ZNF624: variants seen among roughly 807,000 people sequenced by gnomAD.
ZNF624 encodes the protein zinc finger protein 624.
A neutral mutation model predicts 74.7 loss-of-function variants in ZNF624; 43 were observed. The ratio of observed to expected loss-of-function variants is 0.58; its 90% confidence interval spans 0.45 to 0.74. ZNF624 has a LOEUF of 0.74. Among genes scored for constraint, ZNF624 ranks in the 30% least tolerant of loss-of-function variants. ZNF624 has a pLI of 0.00. For missense variants in ZNF624, 820 were observed against 1,030.0 expected (o/e 0.80, Z 2.79); for synonymous variants, 331 against 341.3 (o/e 0.97, Z 0.33).
At position 16,621,814 on chromosome 17, in the gene ZNF624, GTAAAA is replaced by G. The variant is rs1908920357; in HGVS notation, c.*469_*473del. ...AGGAGATCTCTTTTAAGTAAAATGA[GTAAAA>G]TAAAAAATCTAAAAAGGAAATGATA... On this transcript the variant is annotated 3_prime_UTR_variant, in exon 6 of 6. Transcript: ENST00000311331. 1 of 152,340 alleles carries G rather than the reference GTAAAA, an allele frequency of 6.6e-6. No homozygotes were observed. The highest frequency in any genetic ancestry group is 2.4e-5 in the African/African-American group (1 of 41,332). The allele number at this position is 152,340 out of a possible 1,614,324, so 9.4% of individuals were successfully genotyped here. A position where few individuals can be genotyped will look rare whatever the true frequency, so the allele number is the denominator to read the frequency against.
intron 5 of ZNF624, among the ~76,000 whole-genome samples, chr17:16,632,641 C>G (rs1909232681): frequency 6.6e-6 from 1 of 152,198 alleles, no homozygotes; most frequent in Non-Finnish European, 1.5e-5. Flanking sequence ...GAACCAGAAT[C>G]TATTTCTTTC....
At chr17:16,634,073 C>G (rs1450737206) in intron 4 of ZNF624, 116 bp from the exon 5 acceptor site, 4 of 691,252 alleles carry the variant, frequency 5.8e-6, no homozygotes, top group Non-Finnish European at 9.6e-6. Flanking sequence ...AGTTCTAGAG[C>G]TGCACTGTCT....
Position 16,622,151 on chromosome 17 carries a change from A to G in ZNF624, c.*137T>C, listed in dbSNP as rs1428757037. Reference sequence around the variant, plus strand: ...TTCTAAGATTTAATATTATTAAATGATTTCCCACATAATTGCTTATAGTTT... The same window carrying G: ...TTCTAAGATTTAATATTATTAAATGGTTTCCCACATAATTGCTTATAGTTT... On this transcript the variant is annotated 3_prime_UTR_variant, in exon 6 of 6. Coordinates refer to ENST00000311331, the MANE Select transcript of ZNF624 (RefSeq NM_020787.4). The G allele has an allele frequency of 1.7e-6, 1 of 574,794 alleles. No homozygotes were observed. The allele number at this position is 574,794 out of a possible 1,614,324, so 35.6% of individuals were successfully genotyped here. A position where few individuals can be genotyped will look rare whatever the true frequency, so the allele number is the denominator to read the frequency against.
rs1327146076 is a variant in ZNF624, at chr17:16,649,703, T to C, written c.42A>G (p.Pro14=). The change falls in exon 2 of 6, where the codon CCA becomes CCG. Residue 14 remains proline (P), a synonymous_variant. Coordinates refer to ENST00000311331, the MANE Select transcript of ZNF624 (RefSeq NM_020787.4). ...ACACAGCAGCCATAATCTCTCCCTCTGGTTTCCCCTCTCTGGAAAGAGTGG... is the reference window on the plus strand; with the variant it reads ...ACACAGCAGCCATAATCTCTCCCTCCGGTTTCCCCTCTCTGGAAAGAGTGG... ...QDSTLSREGK[P]EGEIMAAVFF... The C allele has an allele frequency of 6.2e-7, 1 of 1,614,066 alleles. No individual in the cohort carries two copies. The highest frequency in any genetic ancestry group is 8.5e-7 in the Non-Finnish European group (1 of 1,179,930).
In ZNF624 at chr17:16,620,874, C is replaced by A. The variant is rs1487580310; in HGVS notation, c.*1414G>T. The A allele has an allele frequency of 6.6e-6, 1 of 151,904 alleles. No individual in the cohort carries two copies. Among genetic ancestry groups the A allele is most frequent in the Non-Finnish European group, 1.5e-5 (1 of 67,988 alleles). 9.4% of individuals were successfully genotyped at this position (151,904 alleles called of 1,614,324 possible). A position where few individuals can be genotyped will look rare whatever the true frequency, so the allele number is the denominator to read the frequency against. On this transcript the variant is annotated 3_prime_UTR_variant, in exon 6 of 6. Coordinates refer to ENST00000311331, the MANE Select transcript of ZNF624 (RefSeq NM_020787.4). ...ATAACCATCATTAATTTTTTGGAGACCATCCTTTCATCTCTCTCAAAAGTT... is the reference window on the plus strand; with the variant it reads ...ATAACCATCATTAATTTTTTGGAGAACATCCTTTCATCTCTCTCAAAAGTT...
At position 16,623,473 on chromosome 17, in the gene ZNF624, AG is replaced by A; in HGVS notation, c.1412del (p.Pro471LeufsTer21). The A allele has an allele frequency of 6.2e-7, 1 of 1,613,406 alleles. No individual in the cohort carries two copies. The highest frequency in any genetic ancestry group is 1.1e-5 in the South Asian group (1 of 91,004). On this transcript the variant is annotated frameshift_variant, in exon 6 of 6. Coordinates refer to ENST00000311331, the MANE Select transcript of ZNF624 (RefSeq NM_020787.4). LOFTEE classifies it high-confidence loss of function. The surrounding 1 kb of genome is among the most constrained non-coding windows in gnomAD (Gnocchi z 5.3). ...CTTTTCCACATTCGTTACATCTAAAAGGTTTCTCTCCAGTATGAATCCTCTG... is the reference window on the plus strand; with the variant it reads ...CTTTTCCACATTCGTTACATCTAAAAGTTTCTCTCCAGTATGAATCCTCTG... Reference protein sequence around the residue: ...VHQRIHTGEKPFRCNECGKAY... With the variant: ...VHQRIHTGEKXFRCNECGKAY...
At position 16,653,760 on chromosome 17, in the gene ZNF624, G is replaced by A. The variant is rs908085159; in HGVS notation, c.-3+4C>T. On this transcript the variant is annotated splice_donor_region_variant and intron_variant, in intron 1 of 5. Transcript: ENST00000311331. Reference sequence around the variant, plus strand: ...CGAGGCCAGGCGCCCGGGACAACGAGTACCTGGCGGCCGAACTGAGGACAA... The same window carrying A: ...CGAGGCCAGGCGCCCGGGACAACGAATACCTGGCGGCCGAACTGAGGACAA... 2.6e-5 allele frequency: 4 copies of A among 152,756 alleles called. No individual in the cohort carries two copies. The highest frequency in any genetic ancestry group is 4.4e-5 in the Non-Finnish European group (3 of 68,094). 9.5% of individuals were successfully genotyped at this position (152,756 alleles called of 1,614,324 possible).
intron 1 of ZNF624, 89 bp from the exon 2 acceptor site, chr17:16,649,835 G>T: frequency 2.0e-6 from 2 of 994,154 alleles, no homozygotes; most frequent in South Asian, 1.3e-5. Flanking sequence ...AAGTGAGCAT[G>T]ACCTCCCTAA....
rs924457088 is a variant in ZNF624, at chr17:16,633,977, T to C, written c.281-20A>G. 1.9e-5 allele frequency: 30 copies of C among 1,599,376 alleles called. No homozygotes were observed. The highest frequency in any genetic ancestry group is 8.9e-5 in the East Asian group (4 of 44,808). ...CAAGCCCTGTCCAGAGAAAAATAAA[T>C]AGGATTTGATTGGAGCCATGAGCAA... On this transcript the variant is annotated intron_variant, in intron 4 of 5. Coordinates refer to ENST00000311331, the MANE Select transcript of ZNF624 (RefSeq NM_020787.4).
downstream of ZNF624, chr17:16,617,561 T>C: frequency 6.4e-7 from 1 of 1,569,984 alleles, no homozygotes; most frequent in Non-Finnish European, 8.8e-7. Context: ...CTGTATTCTG[T>C]ACGAACAGGT....
chr17:16,617,583 G>T (rs1908815399), downstream of ZNF624: 13 of 1,580,528 alleles, frequency 8.2e-6, no homozygotes, highest in Non-Finnish European at 1.1e-5. Flanking sequence ...GTCCGTATTT[G>T]TCTCTGCCAG....
downstream of ZNF624, among the ~76,000 whole-genome samples, chr17:16,615,956 C>CATACATATATATATAT (rs58603208): frequency 2.4e-4 from 22 of 90,266 alleles, no homozygotes; most frequent in South Asian, 1.2e-3. Context: ...ATTCCATATA[C>CATACATATATATATAT]ATATATATAT....
chr17:16,640,994 T>C (rs1354134729), intron 3 of ZNF624, among the ~76,000 whole-genome samples: 2 of 152,132 alleles, frequency 1.3e-5, no homozygotes, highest in African/African-American at 4.8e-5. Context: ...ATGCCACATA[T>C]ACTACAGCCA....
intron 1 of ZNF624, among the ~76,000 whole-genome samples, chr17:16,650,755 A>C (rs969050010): frequency 1.3e-5 from 2 of 152,182 alleles, no homozygotes; most frequent in Non-Finnish European, 2.9e-5. Flanking sequence ...ATAAGTATTA[A>C]GTTTTTGTAC....
rs773454748 is a variant in ZNF624 at position 16,622,856 on chromosome 17, A to C, written c.2030T>G (p.Phe677Cys). 6.2e-7 allele frequency: 1 copy of C among 1,613,890 alleles called. No individual in the cohort carries two copies. The highest frequency in any genetic ancestry group is 1.1e-5 in the South Asian group (1 of 91,052). The change falls in exon 6 of 6, where the codon TTC becomes TGC. Residue 677 changes from phenylalanine to cysteine, a missense_variant. Transcript: ENST00000311331. ...PYKCNECEKAFTNTSQLTVHQ... is the reference protein window; with the variant it reads ...PYKCNECEKACTNTSQLTVHQ... The stretch of plus-strand genomic sequence containing the variant: ...CACGGTAAGCTGTGATGTATTAGTG[A>C]AGGCTTTCTCACATTCATTACATTT...
chr17:16,647,763 C>T (rs1943914301), intron 2 of ZNF624, among the ~76,000 whole-genome samples: 1 of 151,690 alleles, frequency 6.6e-6, no homozygotes, highest in Non-Finnish European at 1.5e-5. Flanking sequence ...TCAAAACCTA[C>T]TAACACTATC....
chr17:16,634,036 CT>C, intron 4 of ZNF624, 79 bp from the exon 5 acceptor site: 1 of 1,160,002 alleles, frequency 8.6e-7, no homozygotes, highest in Admixed American at 1.9e-5. Context: ...AGTTCTTAAT[CT>C]TCTGGGCAGA....
At chr17:16,649,502 T>C (rs1223463757) in intron 2 of ZNF624, among the ~76,000 whole-genome samples, 156 bp downstream of exon 2, 1 of 152,188 alleles carries the variant, frequency 6.6e-6, no homozygotes, top group Non-Finnish European at 1.5e-5. Flanking sequence ...CGTCCCATAG[T>C]TTACTACCCT....
intron 5 of ZNF624, chr17:16,624,781 C>CTGAGGTGGGTGGAT: frequency 4.5e-6 from 1 of 220,374 alleles, no homozygotes; most frequent in Non-Finnish European, 8.2e-6. Context: ...CTTTGGGAGG[C>CTGAGGTGGGTGGAT]CAAGGTGAGA....
Sources: gnomAD v4.1 joint callset for allele counts (sites outside exome capture counted in the v4.1 genomes callset) on GRCh38, gnomAD v4.1.1 for gene constraint, Gnocchi (gnomAD v3.1) non-coding constraint, MANE v1.5 for transcripts, NCBI Gene and HGNC (gene_info 2026-07-23, HGNC 2026-07-21) for gene names.